Variants in MYO9A observed in about 807,000 individuals in gnomAD.
MYO9A encodes the protein unconventional myosin-IXa.
In MYO9A, 103 loss-of-function variants were observed where a neutral mutation model predicts 293.3. The ratio of observed to expected loss-of-function variants is 0.35; its 90% CI spans 0.30 to 0.41. The LOEUF is 0.41. Ranked by LOEUF, MYO9A falls within the 10% of genes least tolerant of loss-of-function variation. The pLI is 1.00. For synonymous variants in MYO9A, 1,001 were observed against 1,035.7 expected (o/e 0.97, Z 0.64); for missense variants, 2,685 against 3,033.0 (o/e 0.89, Z 2.69).
intron 39 of MYO9A, among the ~76,000 whole-genome samples, chr15:71,832,761 G>A (rs1317078616): frequency 1.3e-5 from 2 of 152,184 alleles, no homozygotes; most frequent in East Asian, 1.9e-4. Flanking sequence ...GCAATGAAAC[G>A]TGAGTATGTT....
chr15:71,848,722 G>A, intron 39 of MYO9A, 123 bp downstream of exon 39: 1 of 1,137,652 alleles, frequency 8.8e-7, no homozygotes. Flanking sequence ...TTGAGATTTG[G>A]TGACGTTTTA....
chr15:72,101,865 TG>T (rs1235723629), intron 1 of MYO9A, among the ~76,000 whole-genome samples: 12 of 138,982 alleles, frequency 8.6e-5, no homozygotes, highest in African/African-American at 2.5e-4. Context: ...GGGAGGGAGG[TG>T]GGGGGGTCAG....
At position 72,046,517 on chromosome 15, in the gene MYO9A, T is replaced by A. The variant is rs150795791; in HGVS notation, c.47A>T (p.His16Leu). The change falls in exon 2 of 42, where the codon CAT becomes CTT. Residue 16 changes from histidine to leucine, a missense_variant. Physicochemically the swap from His to Leu is moderately conservative, Grantham distance 99. Coordinates refer to ENST00000356056, the MANE Select transcript of MYO9A (RefSeq NM_006901.4). ...AGCCCCAGGATATATCCGTAATGTA[T>A]GTTCATTATCTTCAAAGCGTCGTCT... ...GGRRRFEDNE[H>L]TLRIYPGAIS... 27 of 1,611,592 alleles carry A rather than the reference T, an allele frequency of 1.7e-5. No individual in the cohort carries two copies. Among genetic ancestry groups the A allele is most frequent in the Non-Finnish European group, 2.1e-5 (25 of 1,178,970 alleles).
intron 11 of MYO9A, among the ~76,000 whole-genome samples, chr15:71,984,787 G>A (rs2076367493): frequency 3.3e-5 from 5 of 152,136 alleles, no homozygotes; most frequent in Admixed American, 2.0e-4. Context: ...AAAGTAATTT[G>A]TAGTTCTTTA....
At chr15:72,067,396 G>A (rs576856873) in intron 1 of MYO9A, among the ~76,000 whole-genome samples, 1 of 151,822 alleles carries the variant, frequency 6.6e-6, no homozygotes, top group African/African-American at 2.4e-5. Context: ...TGTAACCTCC[G>A]CCTCAGCCTC....
intron 1 of MYO9A, among the ~76,000 whole-genome samples, chr15:72,102,862 A>C (rs1042850411): frequency 1.1e-4 from 16 of 152,110 alleles, no homozygotes; most frequent in African/African-American, 3.6e-4. Flanking sequence ...AAAAAATAAA[A>C]GGTATAAGGA....
chr15:72,109,786 C>T (rs1309958272), intron 1 of MYO9A, among the ~76,000 whole-genome samples: 2 of 150,168 alleles, frequency 1.3e-5, no homozygotes, highest in Admixed American at 6.6e-5. Context: ...CTACTTGGGA[C>T]GCTGAGGCAC....
chr15:71,959,566 C>G (rs1346914556), intron 14 of MYO9A: 1 of 184,848 alleles, frequency 5.4e-6, no homozygotes, highest in African/African-American at 2.4e-5. Flanking sequence ...AAGGGGGAGG[C>G]ATACAGAAAA....
At chr15:72,092,041 A>C (rs2079930918) in intron 1 of MYO9A, among the ~76,000 whole-genome samples, 1 of 152,186 alleles carries the variant, frequency 6.6e-6, no homozygotes, top group Non-Finnish European at 1.5e-5. Context: ...TAAAAGCCTC[A>C]AAGAGCTAAT....
At chr15:71,988,281 TC>T (rs977208876) in intron 11 of MYO9A, among the ~76,000 whole-genome samples, 5 of 152,168 alleles carry the variant, frequency 3.3e-5, no homozygotes, top group African/African-American at 1.2e-4. Flanking sequence ...TTGGACTGAT[TC>T]AATAGACATG....
intron 7 of MYO9A, 77 bp downstream of exon 7, chr15:72,010,273 G>T: frequency 1.7e-6 from 2 of 1,209,968 alleles, no homozygotes; most frequent in South Asian, 1.4e-5. Context: ...TATTTAAAAA[G>T]GTCAACGGCA....
intron 1 of MYO9A, among the ~76,000 whole-genome samples, chr15:72,089,442 A>G (rs1015047685): frequency 5.9e-5 from 9 of 152,102 alleles, no homozygotes; most frequent in Non-Finnish European, 1.2e-4. Context: ...GACTGCAGGC[A>G]TCAGCCACTG....
chr15:72,118,330 T>C (rs1402570497), upstream of MYO9A: 1 of 206,190 alleles, frequency 4.8e-6, no homozygotes, highest in African/African-American at 2.3e-5. Flanking sequence ...GGAACTCAGC[T>C]TTAGATTCTC....
At chr15:71,875,208 TATG>T (rs1301463060) in intron 32 of MYO9A, among the ~76,000 whole-genome samples, 1 of 152,074 alleles carries the variant, frequency 6.6e-6, no homozygotes, top group African/African-American at 2.4e-5. Context: ...ATGATGTATA[TATG>T]ATAACATCAT....
At chr15:72,058,723 G>A (rs1440275331) in intron 1 of MYO9A, among the ~76,000 whole-genome samples, 1 of 152,156 alleles carries the variant, frequency 6.6e-6, no homozygotes, top group Non-Finnish European at 1.5e-5. Context: ...TAAGAAAGTT[G>A]CTGTGGTTTA....
At position 71,898,451 on chromosome 15, in the gene MYO9A, T is replaced by C. The variant is rs2057394466; in HGVS notation, c.4052A>G (p.Glu1351Gly). ...KSKLESVISD[E>G]GDLQFPSPKI... ...AGGTGATGGAAACTGCAAGTCTCCT[T>C]CATCTGAAATGACAGACTCTAGTTT... The change falls in exon 25 of 42, where the codon GAA (glutamate) becomes GGA (glycine). Residue 1351 changes from glutamate to glycine, a missense_variant. This residue lies in a region of MYO9A where 1,434 missense variants were observed against 1,497.7 expected (regional missense o/e 0.96). Coordinates refer to ENST00000356056, the MANE Select transcript of MYO9A (RefSeq NM_006901.4). 1 of 1,613,876 alleles carries C rather than the reference T, an allele frequency of 6.2e-7. No homozygotes were observed. Among genetic ancestry groups the C allele is most frequent in the African/African-American group, 1.3e-5 (1 of 74,916 alleles).
chr15:71,928,027 A>AATATGTATAT (rs2058360462), intron 18 of MYO9A, among the ~76,000 whole-genome samples: 1 of 10,754 alleles, frequency 9.3e-5, no homozygotes, highest in Non-Finnish European at 2.6e-4. Flanking sequence ...ATACCTTTCT[A>AATATGTATAT]ATATATATAT....
intron 10 of MYO9A, among the ~76,000 whole-genome samples, chr15:71,994,211 A>G (rs574450469): frequency 6.6e-6 from 1 of 152,304 alleles, no homozygotes; most frequent in African/African-American, 2.4e-5. Flanking sequence ...TTATGTTTGA[A>G]AGAATACAGA....
At chr15:72,069,378 T>G (rs1366602518) in intron 1 of MYO9A, among the ~76,000 whole-genome samples, 1 of 152,184 alleles carries the variant, frequency 6.6e-6, no homozygotes, top group Non-Finnish European at 1.5e-5. Flanking sequence ...ATAGGCTTGT[T>G]AAGGGTAGAA....
Sources: gnomAD v4.1 joint callset for allele counts (sites outside exome capture counted in the v4.1 genomes callset) on GRCh38, gnomAD v4.1.1 for gene constraint, gnomAD v4.1.1 regional missense constraint, MANE v1.5 for transcripts, NCBI Gene and HGNC (gene_info 2026-07-23, HGNC 2026-07-21) for gene names.